Variants in R3HDM1 observed in about 807,000 individuals in gnomAD.
R3HDM1 encodes R3H domain-containing protein 1.
In R3HDM1, 46 loss-of-function variants were observed where a neutral mutation model predicts 141.1. That is an observed-to-expected ratio of 0.33 (90% confidence interval 0.26 to 0.42). The LOEUF is 0.42. R3HDM1 is among the 10% of genes least tolerant of loss of function. The pLI is 1.00. For synonymous variants in R3HDM1, 435 were observed against 472.9 expected, an observed-to-expected ratio of 0.92 and a Z score of 1.04; for missense variants, 1,184 against 1,368.3, an observed-to-expected ratio of 0.87 and a Z score of 2.12.
chr2:135,646,624 G>C, intron 16 of R3HDM1, among the ~76,000 whole-genome samples: 1 of 151,466 alleles, frequency 6.6e-6, no homozygotes, highest in Non-Finnish European at 1.5e-5. Flanking sequence ...GAGGCAGGCA[G>C]ATCACCTGAG....
At chr2:135,563,995 G>A (rs1464090392) in intron 1 of R3HDM1, among the ~76,000 whole-genome samples, 5 of 152,016 alleles carry the variant, frequency 3.3e-5, no homozygotes, top group African/African-American at 1.2e-4. Context: ...GGGAGGCGCC[G>A]CATGAATCAC....
chr2:135,688,950 CAG>C (rs1367241475), intron 21 of R3HDM1, among the ~76,000 whole-genome samples: 14 of 152,250 alleles, frequency 9.2e-5, no homozygotes, highest in African/African-American at 3.4e-4. Flanking sequence ...AGAAATACTG[CAG>C]AGTTTTTACA....
chr2:135,625,044 C>T (rs58363312), intron 7 of R3HDM1, among the ~76,000 whole-genome samples: 6,733 of 152,168 alleles, frequency 0.044, 501 homozygotes, highest in African/African-American at 0.15. Flanking sequence ...GCTATGATCT[C>T]GCCACTGCCC....
At chr2:135,621,196 C>T (rs1363379037) in intron 5 of R3HDM1, among the ~76,000 whole-genome samples, 1 of 151,850 alleles carries the variant, frequency 6.6e-6, no homozygotes, top group Non-Finnish European at 1.5e-5. Context: ...TCTCATCCTC[C>T]GGGGATTTTA....
intron 21 of R3HDM1, among the ~76,000 whole-genome samples, chr2:135,708,072 C>CA (rs1230936289): frequency 3.3e-5 from 5 of 152,110 alleles, no homozygotes; most frequent in African/African-American, 1.2e-4. Context: ...TATGTAATTA[C>CA]TAATCTGTTT....
At chr2:135,647,930 C>T (rs966784607) in intron 16 of R3HDM1, among the ~76,000 whole-genome samples, 3 of 152,122 alleles carry the variant, frequency 2.0e-5, no homozygotes, top group Non-Finnish European at 4.4e-5. Context: ...TTTCATTACT[C>T]TCTGAAATTC....
At chr2:135,550,867 T>A (rs1699711602) in intron 1 of R3HDM1, among the ~76,000 whole-genome samples, 1 of 152,208 alleles carries the variant, frequency 6.6e-6, no homozygotes, top group South Asian at 2.1e-4. Flanking sequence ...TAGGGAAATT[T>A]TCAAAATGGA....
chr2:135,709,362 G>T (rs576366119), intron 21 of R3HDM1, 71 bp from the exon 22 acceptor site: 2 of 1,585,314 alleles, frequency 1.3e-6, no homozygotes, highest in South Asian at 2.3e-5. Context: ...CGTGAGCACC[G>T]CGCCCAGCCC....
intron 20 of R3HDM1, among the ~76,000 whole-genome samples, chr2:135,678,881 T>C (rs1036748778): frequency 2.0e-5 from 3 of 148,568 alleles, no homozygotes; most frequent in African/African-American, 2.5e-5. Flanking sequence ...TGCCTCAGCC[T>C]CCTGAGTAAC....
chr2:135,590,547 T>G (rs1709021648), intron 1 of R3HDM1: 1 of 985,094 alleles, frequency 1.0e-6, no homozygotes, highest in Non-Finnish European at 1.2e-6. Context: ...AAATAAAATC[T>G]GAAATGCATT....
At chr2:135,650,883 G>A (rs1249254616) in intron 17 of R3HDM1, 2 of 985,188 alleles carry the variant, frequency 2.0e-6, no homozygotes, top group South Asian at 4.7e-5. Context: ...TTTTTTCAGT[G>A]TTGACCTTTT....
chr2:135,604,476 T>C lies in R3HDM1; in HGVS notation c.-40-330T>C, dbSNP rs565495436. Among the ~76,000 whole-genome samples, 3 of 152,300 alleles carry C rather than the reference T, an allele frequency of 2.0e-5. No individual in the cohort carries two copies. The South Asian group carries it at 6.2e-4, about 32-fold the overall frequency. On this transcript the variant is annotated intron_variant, in intron 2 of 26. Transcript: ENST00000683871. The stretch of plus-strand genomic sequence containing the variant: ...TAAATGTAAAAAAAACACACTTATG[T>C]GTTAGCAATAGGGTCTTGCTATGTT...
chr2:135,627,223 A>C (rs1156998002), intron 7 of R3HDM1, among the ~76,000 whole-genome samples: 3 of 152,126 alleles, frequency 2.0e-5, no homozygotes, highest in African/African-American at 4.8e-5. Context: ...AAGTATGGCA[A>C]ATTCCCCCTG....
At chr2:135,660,084 A>G (rs910232520) in intron 18 of R3HDM1, among the ~76,000 whole-genome samples, 1 of 152,246 alleles carries the variant, frequency 6.6e-6, no homozygotes, top group Non-Finnish European at 1.5e-5. Flanking sequence ...AGTTTATACA[A>G]TGAATGTTGT....
At chr2:135,722,090 T>G (rs1023949496) in intron 25 of R3HDM1, 84 bp downstream of exon 25, 1 of 1,307,830 alleles carries the variant, frequency 7.6e-7, no homozygotes. Context: ...TGAGCCCACC[T>G]GTTGGCACTG....
chr2:135,570,590 CCTAATG>C (rs1406080054), intron 1 of R3HDM1, among the ~76,000 whole-genome samples: 1 of 152,226 alleles, frequency 6.6e-6, no homozygotes, highest in Non-Finnish European at 1.5e-5. Context: ...GCATCCCACA[CCTAATG>C]CTAGAATCAG....
intron 1 of R3HDM1, among the ~76,000 whole-genome samples, chr2:135,581,024 G>C (rs1037808769): frequency 9.2e-5 from 14 of 152,102 alleles, no homozygotes; most frequent in Non-Finnish European, 8.8e-5. Flanking sequence ...GCATCCTTTA[G>C]TTCCCCTGTC....
rs915430454 is a variant in R3HDM1 at position 135,685,990 on chromosome 2, G to GA, written c.2459+5675dup. 2.5e-4 allele frequency among the ~76,000 whole-genome samples: 38 copies of GA among 149,068 alleles called. No individual in the cohort carries two copies. In the East Asian group the frequency reaches 4.9e-3, roughly 19 times the overall value. ...AATATTAAGGAAATCCTGTAATTCA[G>GA]AAAAAAAAAGGGTTAAAGAGTTGAA... On this transcript the variant is annotated intron_variant, in intron 21 of 26. Transcript: ENST00000683871.
intron 1 of R3HDM1, among the ~76,000 whole-genome samples, chr2:135,573,786 C>T (rs571460727): frequency 6.6e-6 from 1 of 151,984 alleles, no homozygotes; most frequent in Non-Finnish European, 1.5e-5. Flanking sequence ...ACTGTTCCCC[C>T]CACAACAAAA....
Sources: allele counts gnomAD v4.1 joint callset (sites outside exome capture counted in the v4.1 genomes callset), GRCh38; gene constraint gnomAD v4.1.1; transcripts MANE v1.5; gene names NCBI Gene and HGNC (gene_info 2026-07-23, HGNC 2026-07-21).